Variants in AMMECR1 observed in about 807,000 individuals in gnomAD.
The protein encoded by AMMECR1 is AMMECR nuclear protein 1.
Under a neutral mutation model 22.5 loss-of-function variants are expected in AMMECR1, and 3 were observed. That is an observed-to-expected ratio of 0.13 (90% CI 0.06 to 0.35). The LOEUF (loss-of-function observed/expected upper bound fraction) is 0.35, where lower values mean the gene tolerates loss of function less well. AMMECR1 is among the 10% of genes least tolerant of loss of function. The pLI, the probability that AMMECR1 is intolerant of heterozygous loss-of-function variation, is 1.00. For missense variants in AMMECR1, 235 were observed against 278.7 expected, an observed-to-expected ratio of 0.84 and a Z score of 1.12; for synonymous variants, 130 against 116.7, an observed-to-expected ratio of 1.11 and a Z score of -0.74.
chrX:110,357,789 C>T (rs771400182), intron 2 of AMMECR1, among the ~76,000 whole-genome samples: 1 of 111,750 alleles, frequency 8.9e-6, no homozygotes, highest in Non-Finnish European at 1.9e-5. Context: ...CATGTTTCTA[C>T]ATACCCACAT....
At chrX:110,315,688 T>A (rs2068044737) in intron 1 of AMMECR1, among the ~76,000 whole-genome samples, 1 of 112,196 alleles carries the variant, frequency 8.9e-6, no homozygotes, top group Admixed American at 9.4e-5. Context: ...CTCCTGAAAG[T>A]GTGTTCTCAT....
At chrX:110,352,730 C>A (rs2068215838) in intron 2 of AMMECR1, among the ~76,000 whole-genome samples, 1 of 111,902 alleles carries the variant, frequency 8.9e-6, no homozygotes, top group Admixed American at 9.5e-5. Flanking sequence ...CTCAATAAAG[C>A]CTCTTTAAAA....
chrX:110,358,781 A>G (rs940329253), intron 2 of AMMECR1: 5 of 111,678 alleles, frequency 4.5e-5, no homozygotes, highest in Admixed American at 9.5e-5. Flanking sequence ...GAGCAGTGAG[A>G]TAGGCTAAGC....
intron 1 of AMMECR1, among the ~76,000 whole-genome samples, chrX:110,431,057 G>T (rs1199166586): frequency 8.9e-6 from 1 of 112,089 alleles, no homozygotes; most frequent in East Asian, 2.8e-4. Flanking sequence ...CACTGTGTTT[G>T]TAATCCATTC....
At chrX:110,252,293 G>T (rs1011728991) in intron 2 of AMMECR1, among the ~76,000 whole-genome samples, 1 of 110,728 alleles carries the variant, frequency 9.0e-6, no homozygotes, top group Non-Finnish European at 1.9e-5. Flanking sequence ...TAAGTAAAAT[G>T]AAAAAGCAGC....
chrX:110,345,324 A>G (rs1483729125), intron 2 of AMMECR1, among the ~76,000 whole-genome samples: 1 of 107,196 alleles, frequency 9.3e-6, no homozygotes, highest in Admixed American at 9.9e-5. Context: ...GAAGGGGAAC[A>G]TCACACACCG....
chrX:110,390,377 T>G (rs1028091293), intron 2 of AMMECR1, among the ~76,000 whole-genome samples: 1 of 112,485 alleles, frequency 8.9e-6, no homozygotes, highest in African/African-American at 3.2e-5. Flanking sequence ...CATTTAAATA[T>G]ATACATATAT....
intron 2 of AMMECR1, among the ~76,000 whole-genome samples, chrX:110,383,560 C>A (rs1405361429): frequency 9.0e-6 from 1 of 111,321 alleles, no homozygotes; most frequent in Non-Finnish European, 1.9e-5. Flanking sequence ...TCCTGACATA[C>A]CCTAAACTCC....
chrX:110,348,309 T>C (rs983125001), intron 2 of AMMECR1, among the ~76,000 whole-genome samples: 2 of 112,097 alleles, frequency 1.8e-5, no homozygotes, highest in Non-Finnish European at 3.8e-5. Context: ...CCAGGAAAAA[T>C]TATTTAAAAG....
At chrX:110,318,247 C>A (rs998816598), upstream of AMMECR1, 3 of 166,456 alleles carry the variant, frequency 1.8e-5, no homozygotes, top group African/African-American at 9.6e-5. Context: ...CGCGCCCCCG[C>A]CTCGGTGCGC....
At chrX:110,218,821 C>T (rs1192644209) in intron 2 of AMMECR1, among the ~76,000 whole-genome samples, 1 of 111,084 alleles carries the variant, frequency 9.0e-6, no homozygotes, top group African/African-American at 3.3e-5. Context: ...ACTCCCAGCT[C>T]CTGGAAACCA....
At chrX:110,276,545 A>G (rs1483237863) in intron 1 of AMMECR1, among the ~76,000 whole-genome samples, 3 of 112,360 alleles carry the variant, frequency 2.7e-5, no homozygotes, top group Non-Finnish European at 3.8e-5. Flanking sequence ...ATAATTATTT[A>G]AAGTCCTTTA....
chrX:110,409,613 C>T (rs1275142375), intron 2 of AMMECR1, among the ~76,000 whole-genome samples: 1 of 109,627 alleles, frequency 9.1e-6, no homozygotes, highest in Non-Finnish European at 1.9e-5. Context: ...CAGGCAGATC[C>T]AGCTCCCCCA....
intron 1 of AMMECR1, among the ~76,000 whole-genome samples, chrX:110,272,637 G>T (rs776881080): frequency 5.8e-4 from 65 of 111,679 alleles, no homozygotes; most frequent in Non-Finnish European, 9.8e-4. Context: ...AACTGGATAG[G>T]TAATTTTTCA....
At chrX:110,373,635 A>G (rs2068355224) in intron 2 of AMMECR1, among the ~76,000 whole-genome samples, 1 of 112,540 alleles carries the variant, frequency 8.9e-6, no homozygotes, top group Non-Finnish European at 1.9e-5. Context: ...TACAGATAAT[A>G]CAGTAATCTG....
At chrX:110,336,165 AAG>A (rs1460382996) in intron 2 of AMMECR1, among the ~76,000 whole-genome samples, 3 of 111,811 alleles carry the variant, frequency 2.7e-5, no homozygotes, top group Non-Finnish European at 5.6e-5. Context: ...CAGGAGGAGA[AAG>A]TGAGCAAGGA....
At chrX:110,296,015 C>T (rs2067934008) in intron 1 of AMMECR1, among the ~76,000 whole-genome samples, 1 of 111,946 alleles carries the variant, frequency 8.9e-6, no homozygotes, top group African/African-American at 3.2e-5. Context: ...TTTACCAGTA[C>T]TCTTTATTTC....
rs2067675883 is a variant in AMMECR1 at position 110,249,504 on chromosome X, G to T, written c.584+14985C>A. Among the ~76,000 whole-genome samples, 8 of 111,677 alleles carry T rather than the reference G, an allele frequency of 7.2e-5. No homozygotes were observed. The South Asian group carries it at 3.0e-3, about 42-fold the overall frequency. ...CATAAGGTTGTTGGAAATATTAGAT[G>T]AGGTAACTTATATAAAATACCTACG... On this transcript the variant is annotated intron_variant, in intron 2 of 5. Coordinates refer to ENST00000262844, the MANE Select transcript of AMMECR1 (RefSeq NM_015365.3).
chrX:110,347,371 A>G (rs1028886754), intron 2 of AMMECR1, among the ~76,000 whole-genome samples: 2 of 112,994 alleles, frequency 1.8e-5, no homozygotes, highest in African/African-American at 6.4e-5. Context: ...GATATTTTCA[A>G]AAAAACTCAT....
Sources: allele counts gnomAD v4.1 joint callset (sites outside exome capture counted in the v4.1 genomes callset), GRCh38; gene constraint gnomAD v4.1.1; transcripts MANE v1.5; gene names NCBI Gene and HGNC (gene_info 2026-07-23, HGNC 2026-07-21).